The following PTPRK variants were observed in gnomAD, a reference collection of about 807,000 sequenced individuals.
PTPRK encodes the protein receptor-type tyrosine-protein phosphatase kappa.
Under a neutral mutation model 178.0 loss-of-function variants are expected in PTPRK, and 75 were observed. That is an observed-to-expected ratio of 0.42 (90% CI 0.35 to 0.51). PTPRK has a LOEUF of 0.51. Among genes scored for constraint, PTPRK ranks in the 20% least tolerant of loss-of-function variants. The pLI is 0.02. For synonymous variants in PTPRK, 637 were observed against 620.6 expected, an observed-to-expected ratio of 1.03 and a Z score of -0.39; for missense variants, 1,441 against 1,797.8, an observed-to-expected ratio of 0.80 and a Z score of 3.59.
intron 2 of PTPRK, among the ~76,000 whole-genome samples, chr6:128,326,056 A>G (rs1048986597): frequency 6.6e-6 from 1 of 152,194 alleles, no homozygotes; most frequent in Admixed American, 6.5e-5. Context: ...ATTCTCAGCA[A>G]ACTATCACAA....
chr6:128,508,247 G>T (rs1341466597), intron 1 of PTPRK, among the ~76,000 whole-genome samples: 3 of 152,222 alleles, frequency 2.0e-5, no homozygotes, highest in Admixed American at 2.0e-4. Context: ...CAGGCACTGG[G>T]ACAAGTCACT....
At chr6:128,022,561 A>C (rs955738855) in intron 13 of PTPRK, among the ~76,000 whole-genome samples, 8 of 152,164 alleles carry the variant, frequency 5.3e-5, no homozygotes, top group African/African-American at 1.7e-4. Flanking sequence ...CTCACTCCAA[A>C]TGAGTCCAAC....
At chr6:128,517,044 TTAAA>T (rs934180597) in intron 1 of PTPRK, among the ~76,000 whole-genome samples, 3 of 151,286 alleles carry the variant, frequency 2.0e-5, no homozygotes, top group African/African-American at 4.9e-5. Flanking sequence ...TAAACAATAA[TTAAA>T]TGAATGACTG....
chr6:128,412,841 C>G (rs1199459738), intron 1 of PTPRK, among the ~76,000 whole-genome samples: 1 of 152,146 alleles, frequency 6.6e-6, no homozygotes, highest in Non-Finnish European at 1.5e-5. Context: ...CTCTTGCACT[C>G]CTTTCTCCCT....
chr6:127,981,734 A>G (rs1775362482), intron 24 of PTPRK, among the ~76,000 whole-genome samples: 1 of 152,138 alleles, frequency 6.6e-6, no homozygotes, highest in South Asian at 2.1e-4. Flanking sequence ...CCTTGATTTT[A>G]TTTTCACCCA....
intron 1 of PTPRK, chr6:128,500,786 T>C (rs1263043039): frequency 6.6e-6 from 1 of 152,200 alleles, no homozygotes; most frequent in African/African-American, 2.4e-5. Flanking sequence ...TTTTGCACAG[T>C]CTGAGGAATC....
At chr6:128,207,224 C>T (rs188056520) in intron 6 of PTPRK, among the ~76,000 whole-genome samples, 92 of 152,252 alleles carry the variant, frequency 6.0e-4, no homozygotes, top group Admixed American at 2.6e-3. Flanking sequence ...CACATTACTG[C>T]TCCTTGAACT....
intron 5 of PTPRK, among the ~76,000 whole-genome samples, chr6:128,222,296 G>C (rs1169721197): frequency 6.6e-6 from 1 of 152,020 alleles, no homozygotes; most frequent in African/African-American, 2.4e-5. Flanking sequence ...CTCAAAGGAG[G>C]GTACATTTTA....
intron 6 of PTPRK, 76 bp from the exon 7 acceptor site, chr6:128,184,801 T>G (rs1371232475): frequency 7.4e-7 from 1 of 1,353,450 alleles, no homozygotes; most frequent in Non-Finnish European, 1.0e-6. Context: ...TAATAAGGCC[T>G]AAATGCTTAA....
intron 2 of PTPRK, among the ~76,000 whole-genome samples, chr6:128,390,132 A>C (rs544584132): frequency 6.6e-6 from 1 of 152,128 alleles, no homozygotes; most frequent in Non-Finnish European, 1.5e-5. Context: ...CATAATTCTC[A>C]TCCTAAAATA....
At chr6:128,414,038 G>A (rs577990764) in intron 1 of PTPRK, among the ~76,000 whole-genome samples, 2 of 152,234 alleles carry the variant, frequency 1.3e-5, no homozygotes, top group South Asian at 4.1e-4. Context: ...AATAAAAGTA[G>A]ATTCATTCAG....
intron 7 of PTPRK, among the ~76,000 whole-genome samples, chr6:128,165,135 A>T (rs1038304304): frequency 2.0e-5 from 3 of 151,346 alleles, no homozygotes; most frequent in African/African-American, 7.3e-5. Flanking sequence ...CCGCATTAAA[A>T]AAAACCTAAA....
rs916095990 is a variant in PTPRK at position 127,969,432 on chromosome 6, C to A, written c.*795G>T. 2.6e-5 allele frequency: 4 copies of A among 152,102 alleles called. No individual in the cohort carries two copies. Among genetic ancestry groups the A allele is most frequent in the African/African-American group, 9.7e-5 (4 of 41,414 alleles). 9.4% of individuals were successfully genotyped at this position (152,102 alleles called of 1,614,324 possible). ...AAGAGAATCACTATAAAGAACATTGCTTCCTGGTTTATGAATAAAAAGTTT... is the reference window on the plus strand; with the variant it reads ...AAGAGAATCACTATAAAGAACATTGATTCCTGGTTTATGAATAAAAAGTTT... On this transcript the variant is annotated 3_prime_UTR_variant, in exon 30 of 30. Coordinates refer to ENST00000368226, the MANE Select transcript of PTPRK (RefSeq NM_002844.4).
At chr6:128,302,775 G>C (rs1211955827) in intron 3 of PTPRK, among the ~76,000 whole-genome samples, 4 of 151,908 alleles carry the variant, frequency 2.6e-5, no homozygotes, top group Admixed American at 2.0e-4. Flanking sequence ...TATTCTTCCA[G>C]GGCAATACTA....
intron 3 of PTPRK, among the ~76,000 whole-genome samples, chr6:128,282,667 A>C (rs1583885461): frequency 6.6e-6 from 1 of 152,242 alleles, no homozygotes; most frequent in South Asian, 2.1e-4. Flanking sequence ...ATTTTAACAT[A>C]ATAATAATCC....
intron 3 of PTPRK, among the ~76,000 whole-genome samples, chr6:128,291,342 C>T (rs1395888915): frequency 6.6e-6 from 1 of 152,112 alleles, no homozygotes; most frequent in Non-Finnish European, 1.5e-5. Flanking sequence ...GAACACATTC[C>T]TGCCAACACC....
At chr6:128,474,506 G>A (rs1164978239) in intron 1 of PTPRK, among the ~76,000 whole-genome samples, 1 of 152,014 alleles carries the variant, frequency 6.6e-6, no homozygotes, top group Non-Finnish European at 1.5e-5. Flanking sequence ...CAAGGAGTTG[G>A]CAACATATGG....
At chr6:128,049,705 C>T (rs978598077) in intron 13 of PTPRK, among the ~76,000 whole-genome samples, 2 of 152,060 alleles carry the variant, frequency 1.3e-5, no homozygotes, top group African/African-American at 2.4e-5. Context: ...TTACTTGTTA[C>T]GATAGTTTCC....
intron 1 of PTPRK, among the ~76,000 whole-genome samples, chr6:128,403,416 T>G (rs544105233): frequency 1.2e-4 from 19 of 152,246 alleles, no homozygotes; most frequent in African/African-American, 3.9e-4. Context: ...AGACAATATA[T>G]CTAGACACAG....
Sources: gnomAD v4.1 joint callset for allele counts (sites outside exome capture counted in the v4.1 genomes callset) on GRCh38, gnomAD v4.1.1 for gene constraint, MANE v1.5 for transcripts, NCBI Gene and HGNC (gene_info 2026-07-23, HGNC 2026-07-21) for gene names.